ANK2: variants seen among roughly 807,000 people sequenced by gnomAD.
ANK2 encodes ankyrin 2, also known as ankyrin-2.
Under a neutral mutation model 360.5 loss-of-function variants are expected in ANK2, and 83 were observed. The ratio of observed to expected loss-of-function variants is 0.23; its 90% CI spans 0.19 to 0.28. The LOEUF (loss-of-function observed/expected upper bound fraction) is 0.28, where lower values mean the gene tolerates loss of function less well. Among genes scored for constraint, ANK2 ranks in the 10% least tolerant of loss-of-function variants. The pLI is 1.00. For synonymous variants in ANK2, 1,740 were observed against 1,759.5 expected (o/e 0.99, Z 0.28); for missense variants, 4,201 against 4,795.7 (o/e 0.88, Z 3.66).
chr4:113,108,283 T>C (rs1264946262), intron 1 of ANK2, among the ~76,000 whole-genome samples: 1 of 152,200 alleles, frequency 6.6e-6, no homozygotes, highest in Non-Finnish European at 1.5e-5. Flanking sequence ...CCAATCTTTT[T>C]GATTTGTTTC....
chr4:113,198,904 A>C, intron 3 of ANK2, 107 bp from the exon 4 acceptor site: 2 of 942,992 alleles, frequency 2.1e-6, no homozygotes, highest in Non-Finnish European at 3.3e-6. Context: ...TAAATAACAA[A>C]TTTTAATCGG....
At chr4:112,944,865 G>A (rs1417340044) in intron 2 of ANK2, among the ~76,000 whole-genome samples, 6 of 152,224 alleles carry the variant, frequency 3.9e-5, no homozygotes, top group Admixed American at 1.3e-4. Flanking sequence ...CCCTCTGAGA[G>A]TTGATTATCT....
intron 2 of ANK2, among the ~76,000 whole-genome samples, chr4:112,986,157 G>A (rs2044792385): frequency 6.7e-6 from 1 of 149,886 alleles, no homozygotes; most frequent in Non-Finnish European, 1.5e-5. Flanking sequence ...CAAAATCCAG[G>A]TAAGTTCAGT....
chr4:112,822,546 G>A (rs1321096055), intron 1 of ANK2, among the ~76,000 whole-genome samples: 1 of 151,822 alleles, frequency 6.6e-6, no homozygotes, highest in Non-Finnish European at 1.5e-5. Flanking sequence ...AGGAGTTCGA[G>A]ACCAGCTTGA....
At chr4:112,733,567 TCTGCAGAAA>T in the ANK2 span, among the ~76,000 whole-genome samples, 1 of 152,198 alleles carries the variant, frequency 6.6e-6, no homozygotes, top group Non-Finnish European at 1.5e-5. Flanking sequence ...ACTTCAAGCT[TCTGCAGAAA>T]CTGGTTTTTT....
rs2095847279 is a variant in ANK2 at position 113,357,239 on chromosome 4, C to A, written c.8621C>A (p.Thr2874Lys). Residue 2874 changes from threonine to lysine, a missense_variant, in exon 38 of 46, where the codon ACA (threonine) becomes AAA (lysine). Physicochemically the swap from Thr to Lys is moderately conservative, Grantham distance 78. This residue lies in a region of ANK2 where 2,642 missense variants were observed against 2,714.5 expected (regional missense o/e 0.97). Coordinates refer to ENST00000357077, the MANE Select transcript of ANK2 (RefSeq NM_001148.6). Reference sequence around the variant, plus strand: ...TCTGCCACATCTTCTATTCAAAAAACAGAGGTCACAAAAACTGATGAAACA... The same window carrying A: ...TCTGCCACATCTTCTATTCAAAAAAAAGAGGTCACAAAAACTGATGAAACA... ...DISATSSIQK[T>K]EVTKTDETFE... 1.2e-6 allele frequency: 2 copies of A among 1,613,912 alleles called. No homozygotes were observed. Among genetic ancestry groups the A allele is most frequent in the African/African-American group, 2.7e-5 (2 of 74,922 alleles).
intron 23 of ANK2, among the ~76,000 whole-genome samples, chr4:113,304,332 T>G (rs921431772): frequency 2.0e-5 from 3 of 152,212 alleles, no homozygotes; most frequent in Admixed American, 2.0e-4. Flanking sequence ...TTGATTTTTC[T>G]TAACTGGATA....
chr4:113,038,565 C>G lies in ANK2; in HGVS notation c.21+134051C>G, dbSNP rs117968277. Among the ~76,000 whole-genome samples, 49 of 152,016 alleles carry G rather than the reference C, an allele frequency of 3.2e-4. 1 individual carries two copies. In the East Asian group the frequency reaches 8.5e-3, roughly 27 times the overall value. On this transcript the variant is annotated intron_variant, in intron 2 of 30. Coordinates refer to the ANK2 transcript ENST00000503271. The stretch of plus-strand genomic sequence containing the variant: ...TACATTTCCCAAGATGGCTCCCCTT[C>G]CATATGCTCTTCAGCAATGTGACCT...
chr4:112,982,489 A>G (rs2043405872), intron 2 of ANK2, among the ~76,000 whole-genome samples: 1 of 152,224 alleles, frequency 6.6e-6, no homozygotes, highest in African/African-American at 2.4e-5. Flanking sequence ...AAAAACACAT[A>G]GTTATTGCTG....
intron 22 of ANK2, among the ~76,000 whole-genome samples, chr4:113,294,692 A>G (rs1464306818): frequency 3.3e-5 from 5 of 152,174 alleles, no homozygotes; most frequent in Non-Finnish European, 5.9e-5. Flanking sequence ...TTTAGATGGG[A>G]AAGAATAGCA....
the ANK2 span, among the ~76,000 whole-genome samples, chr4:112,765,835 G>A: frequency 5.9e-5 from 9 of 151,926 alleles, no homozygotes; most frequent in East Asian, 7.7e-4. Flanking sequence ...GACATTTTTC[G>A]TTTGTCACAG....
chr4:112,981,313 CA>C (rs1220949419), intron 2 of ANK2, among the ~76,000 whole-genome samples: 1 of 152,188 alleles, frequency 6.6e-6, no homozygotes, highest in Non-Finnish European at 1.5e-5. Flanking sequence ...GGCAAGATAT[CA>C]GAGATTTATG....
At chr4:113,376,802 GT>G (rs36011726) in intron 45 of ANK2, among the ~76,000 whole-genome samples, 9,428 of 114,124 alleles carry the variant, frequency 0.083, 736 homozygotes, top group African/African-American at 0.29. Flanking sequence ...ACTTTTTAAG[GT>G]TTTTTTTTTT....
chr4:112,937,646 T>C (rs2093866713), intron 2 of ANK2, among the ~76,000 whole-genome samples: 1 of 152,192 alleles, frequency 6.6e-6, no homozygotes, highest in Admixed American at 6.5e-5. Flanking sequence ...TTTTTTGACT[T>C]GGACATTTTT....
intron 1 of ANK2, chr4:113,117,370 A>T: frequency 2.2e-6 from 1 of 456,242 alleles, no homozygotes. Context: ...AGAGAGACAG[A>T]AAAAAACAAC....
At chr4:113,285,335 C>G (rs746398965) in intron 18 of ANK2, among the ~76,000 whole-genome samples, 2 of 152,038 alleles carry the variant, frequency 1.3e-5, no homozygotes, top group Non-Finnish European at 2.9e-5. Context: ...GTGTTAGATC[C>G]CTTCAGTTGA....
rs191282410 is a variant in ANK2, at chr4:113,179,272, T to A, written c.186+4755T>A. ...CTAGGGAGCATTACAATATGTAATG[T>A]AGAAACCAGGACTTTCTGTACTCTG... On this transcript the variant is annotated intron_variant, in intron 2 of 45. Transcript: ENST00000357077. 4.6e-4 allele frequency among the ~76,000 whole-genome samples: 70 copies of A among 152,332 alleles called. 1 individual carries two copies. In the East Asian group the frequency reaches 0.011, roughly 24 times the overall value.
intron 1 of ANK2, among the ~76,000 whole-genome samples, chr4:113,162,666 C>T (rs2097577992): frequency 6.6e-6 from 1 of 151,406 alleles, no homozygotes. Flanking sequence ...AGACTACTGC[C>T]TCTACATGGA....
At chr4:113,268,980 G>A (rs796944559) in intron 14 of ANK2, among the ~76,000 whole-genome samples, 2 of 152,194 alleles carry the variant, frequency 1.3e-5, no homozygotes, top group African/African-American at 2.4e-5. Context: ...TTGGGAGGGT[G>A]TATGTGTCCA....
Sources: gnomAD v4.1 joint callset for allele counts (sites outside exome capture counted in the v4.1 genomes callset) on GRCh38, gnomAD v4.1.1 for gene constraint, gnomAD v4.1.1 regional missense constraint, MANE v1.5 for transcripts, NCBI Gene and HGNC (gene_info 2026-07-23, HGNC 2026-07-21) for gene names.